The following ZNF804B variants were observed in gnomAD, a reference collection of about 807,000 sequenced individuals.
The protein encoded by ZNF804B is zinc finger 804B.
In ZNF804B, 80 loss-of-function variants were observed where a neutral mutation model predicts 101.4. The ratio of observed to expected loss-of-function variants is 0.79; its 90% CI spans 0.66 to 0.95. ZNF804B has a LOEUF of 0.95. ZNF804B is among the 40% of genes least tolerant of loss of function. ZNF804B has a pLI of 0.00. For synonymous variants in ZNF804B, 622 were observed against 558.8 expected (o/e 1.11, Z -1.59); for missense variants, 1,673 against 1,561.9 (o/e 1.07, Z -1.20).
chr7:89,025,138 T>C (rs906452774), intron 1 of ZNF804B, among the ~76,000 whole-genome samples: 1 of 152,100 alleles, frequency 6.6e-6, no homozygotes, highest in Non-Finnish European at 1.5e-5. Context: ...ATTTTATTGA[T>C]TCTCAAGTAC....
At chr7:89,071,472 G>A (rs1300088297) in intron 1 of ZNF804B, among the ~76,000 whole-genome samples, 1 of 152,006 alleles carries the variant, frequency 6.6e-6, no homozygotes, top group Non-Finnish European at 1.5e-5. Flanking sequence ...GAGAGGTAAG[G>A]ACACTCACCC....
intron 2 of ZNF804B, among the ~76,000 whole-genome samples, chr7:89,293,306 C>T (rs749864656): frequency 1.3e-5 from 2 of 151,572 alleles, no homozygotes; most frequent in Admixed American, 6.6e-5. Context: ...GTGATGGATA[C>T]GTTAATTAGA....
At chr7:89,157,553 A>G (rs142902201) in intron 1 of ZNF804B, among the ~76,000 whole-genome samples, 27 of 152,292 alleles carry the variant, frequency 1.8e-4, no homozygotes, top group African/African-American at 6.5e-4. Flanking sequence ...TTTCCAGTCC[A>G]GTGACTGCAA....
chr7:89,199,049 G>T (rs1309236278), intron 1 of ZNF804B, among the ~76,000 whole-genome samples: 1 of 151,806 alleles, frequency 6.6e-6, no homozygotes, highest in African/African-American at 2.4e-5. Context: ...TGCTTGCACA[G>T]GATTTTTTCT....
intron 2 of ZNF804B, among the ~76,000 whole-genome samples, chr7:89,223,991 C>G (rs1789042934): frequency 1.3e-5 from 2 of 151,916 alleles, no homozygotes; most frequent in Admixed American, 1.3e-4. Flanking sequence ...TCAATAACAG[C>G]TAATTCCTTG....
intron 1 of ZNF804B, among the ~76,000 whole-genome samples, chr7:88,933,836 C>T (rs935511590): frequency 6.6e-6 from 1 of 151,622 alleles, no homozygotes; most frequent in Admixed American, 6.6e-5. Context: ...GACCATACTG[C>T]CAAAATCAAC....
intron 1 of ZNF804B, among the ~76,000 whole-genome samples, chr7:89,187,001 A>T (rs1788384139): frequency 6.6e-6 from 1 of 152,146 alleles, no homozygotes; most frequent in Admixed American, 6.6e-5. Flanking sequence ...TTCCATCAAT[A>T]TCTGATATAT....
intron 1 of ZNF804B, among the ~76,000 whole-genome samples, chr7:88,854,848 C>T (rs566619143): frequency 9.6e-5 from 14 of 145,196 alleles, no homozygotes; most frequent in South Asian, 4.4e-4. Flanking sequence ...AGTGAGAACA[C>T]GTGGTGTTTG....
At chr7:89,075,024 TA>T (rs1484338391) in intron 1 of ZNF804B, among the ~76,000 whole-genome samples, 4 of 152,198 alleles carry the variant, frequency 2.6e-5, no homozygotes, top group African/African-American at 9.7e-5. Flanking sequence ...AAAAAATTTC[TA>T]AGCAGCAAAG....
chr7:89,107,391 G>C (rs969723589), intron 1 of ZNF804B, among the ~76,000 whole-genome samples: 1 of 152,012 alleles, frequency 6.6e-6, no homozygotes, highest in Non-Finnish European at 1.5e-5. Flanking sequence ...ATCTATAATG[G>C]AGTGGATTGT....
At chr7:88,794,254 A>C in intron 1 of ZNF804B, 2 of 1,613,734 alleles carry the variant, frequency 1.2e-6, no homozygotes, top group Non-Finnish European at 1.7e-6. Flanking sequence ...ATACATGTTT[A>C]TAAATGTTGC....
intron 1 of ZNF804B, among the ~76,000 whole-genome samples, chr7:89,103,597 G>A (rs2116342218): frequency 6.6e-6 from 1 of 151,898 alleles, no homozygotes; most frequent in East Asian, 1.9e-4. Flanking sequence ...TGTATCTTGA[G>A]ACTTTCTGTA....
At chr7:88,763,330 T>C (rs2115610140) in intron 1 of ZNF804B, among the ~76,000 whole-genome samples, 1 of 152,236 alleles carries the variant, frequency 6.6e-6, no homozygotes, top group African/African-American at 2.4e-5. Context: ...AATAAAGCAT[T>C]TTACCCCCAA....
intron 1 of ZNF804B, among the ~76,000 whole-genome samples, chr7:89,196,588 C>T (rs1266489035): frequency 6.6e-6 from 1 of 151,904 alleles, no homozygotes; most frequent in Non-Finnish European, 1.5e-5. Context: ...GAGAGAGATG[C>T]CAAAAGCAAT....
At chr7:89,222,839 T>G (rs1789026577) in intron 2 of ZNF804B, among the ~76,000 whole-genome samples, 1 of 151,918 alleles carries the variant, frequency 6.6e-6, no homozygotes, top group Non-Finnish European at 1.5e-5. Context: ...ATTGAGAATT[T>G]TTGTATACGC....
intron 1 of ZNF804B, among the ~76,000 whole-genome samples, chr7:89,132,844 T>A (rs1304528471): frequency 6.6e-6 from 1 of 151,982 alleles, no homozygotes; most frequent in Non-Finnish European, 1.5e-5. Flanking sequence ...TTCGTGTACA[T>A]TTTCTTCCTT....
At chr7:89,110,288 A>T (rs1790198024) in intron 1 of ZNF804B, among the ~76,000 whole-genome samples, 1 of 152,226 alleles carries the variant, frequency 6.6e-6, no homozygotes, top group Admixed American at 6.5e-5. Flanking sequence ...CAGATAGGTT[A>T]TCTAGTGAGC....
chr7:88,774,560 A>G (rs574116459), intron 1 of ZNF804B, among the ~76,000 whole-genome samples: 9 of 152,322 alleles, frequency 5.9e-5, no homozygotes, highest in Admixed American at 3.9e-4. Flanking sequence ...AGACATTTCA[A>G]TTTAGATGCT....
chr7:89,067,271 A>C (rs1789468118), intron 1 of ZNF804B, among the ~76,000 whole-genome samples: 1 of 152,164 alleles, frequency 6.6e-6, no homozygotes, highest in African/African-American at 2.4e-5. Context: ...AGGGGGAAGC[A>C]ATTGTAGACC....
Sources: allele counts gnomAD v4.1 joint callset (sites outside exome capture counted in the v4.1 genomes callset), GRCh38; gene constraint gnomAD v4.1.1; transcripts MANE v1.5; gene names NCBI Gene and HGNC (gene_info 2026-07-23, HGNC 2026-07-21).